Variants in MEF2C observed in about 807,000 individuals in gnomAD.
The protein encoded by MEF2C is myocyte-specific enhancer factor 2C.
MEF2C carries 6 observed loss-of-function variants against 50.5 expected under a neutral mutation model. That is an observed-to-expected ratio of 0.12 (90% CI 0.07 to 0.23). MEF2C has a LOEUF of 0.23. Among genes scored for constraint, MEF2C ranks in the 10% least tolerant of loss-of-function variants. The probability of loss-of-function intolerance (pLI) is 1.00; values close to 1 mark genes in which losing one functional copy is unlikely to be tolerated. For synonymous variants in MEF2C, 183 were observed against 228.0 expected, an observed-to-expected ratio of 0.80 and a Z score of 1.78; for missense variants, 276 against 605.0, an observed-to-expected ratio of 0.46 and a Z score of 5.70.
chr5:88,830,891 G>A (rs192506843), intron 1 of MEF2C, among the ~76,000 whole-genome samples: 2 of 152,190 alleles, frequency 1.3e-5, no homozygotes, highest in Non-Finnish European at 2.9e-5. Flanking sequence ...GTAAGCACAT[G>A]CAGCTGGATT....
chr5:88,886,186 G>T (rs1834029380), upstream of MEF2C, among the ~76,000 whole-genome samples: 1 of 152,144 alleles, frequency 6.6e-6, no homozygotes. Flanking sequence ...AGTTGAAGCA[G>T]AAGAGATATG....
intron 2 of MEF2C, among the ~76,000 whole-genome samples, chr5:88,813,476 C>A (rs1468266505): frequency 6.6e-6 from 1 of 152,102 alleles, no homozygotes; most frequent in Non-Finnish European, 1.5e-5. Context: ...GGCCCAGCCC[C>A]ATTCATAAAG....
intron 1 of MEF2C, among the ~76,000 whole-genome samples, chr5:88,898,177 A>G (rs1194829718): frequency 2.6e-5 from 4 of 152,180 alleles, no homozygotes; most frequent in Non-Finnish European, 5.9e-5. Context: ...ACCTTTCAAG[A>G]TAGTAAGATG....
intron 1 of MEF2C, chr5:88,827,165 C>T (rs1365164244): frequency 6.6e-6 from 1 of 151,930 alleles, no homozygotes; most frequent in Non-Finnish European, 1.5e-5. Flanking sequence ...AAAGATCATT[C>T]TCCCACTGGG....
At chr5:88,810,957 T>C (rs1159804477) in intron 2 of MEF2C, among the ~76,000 whole-genome samples, 1 of 152,138 alleles carries the variant, frequency 6.6e-6, no homozygotes. Context: ...TCCACATTCA[T>C]ATTTTTAAAA....
At chr5:88,858,733 A>T (rs1219148070) in intron 1 of MEF2C, among the ~76,000 whole-genome samples, 1 of 152,228 alleles carries the variant, frequency 6.6e-6, no homozygotes, top group East Asian at 1.9e-4. Context: ...AGCTAAAGAC[A>T]ACTAATAAAC....
intron 1 of MEF2C, among the ~76,000 whole-genome samples, chr5:88,896,461 G>A (rs756322434): frequency 6.6e-6 from 1 of 152,192 alleles, no homozygotes; most frequent in African/African-American, 2.4e-5. Context: ...ATGAAAGAGA[G>A]AATTTGAAAC....
chr5:88,795,678 T>C (rs1417908481), intron 3 of MEF2C, among the ~76,000 whole-genome samples: 1 of 152,190 alleles, frequency 6.6e-6, no homozygotes, highest in Non-Finnish European at 1.5e-5. Context: ...CAATACTATG[T>C]TGAATAGGAG....
At chr5:88,783,009 CTT>C (rs1480621046) in intron 3 of MEF2C, among the ~76,000 whole-genome samples, 1 of 152,116 alleles carries the variant, frequency 6.6e-6, no homozygotes, top group Non-Finnish European at 1.5e-5. Flanking sequence ...TCTTGTGACT[CTT>C]TGCATACTTG....
chr5:88,860,840 T>C (rs1825253352), intron 1 of MEF2C, among the ~76,000 whole-genome samples: 1 of 152,240 alleles, frequency 6.6e-6, no homozygotes, highest in Admixed American at 6.5e-5. Context: ...TTCTCTTTCC[T>C]TTCTTAAGGA....
At chr5:88,876,148 C>T (rs1831011369) in intron 1 of MEF2C, among the ~76,000 whole-genome samples, 1 of 147,410 alleles carries the variant, frequency 6.8e-6, no homozygotes, top group Admixed American at 6.8e-5. Flanking sequence ...CATTTACAGA[C>T]TCACCTACAT....
intron 6 of MEF2C, chr5:88,737,064 G>T: frequency 1.0e-6 from 1 of 984,988 alleles, no homozygotes; most frequent in Non-Finnish European, 1.2e-6. Flanking sequence ...TTCACAAATA[G>T]ATATATAGAA....
chr5:88,853,612 G>T (rs1161567226), intron 1 of MEF2C, among the ~76,000 whole-genome samples: 1 of 152,120 alleles, frequency 6.6e-6, no homozygotes, highest in South Asian at 2.1e-4. Flanking sequence ...TTAGTGATTT[G>T]AATATCATTT....
At chr5:88,875,434 G>C (rs2149975759) in intron 1 of MEF2C, among the ~76,000 whole-genome samples, 1 of 152,034 alleles carries the variant, frequency 6.6e-6, no homozygotes, top group South Asian at 2.1e-4. Context: ...ATCACAAAAT[G>C]ATCTAACATA....
chr5:88,891,097 A>G (rs1202635084), intron 1 of MEF2C, among the ~76,000 whole-genome samples: 2 of 152,224 alleles, frequency 1.3e-5, no homozygotes, highest in Non-Finnish European at 2.9e-5. Context: ...GGGGAATAAT[A>G]CTATCTCCCA....
intron 1 of MEF2C, among the ~76,000 whole-genome samples, chr5:88,890,833 A>G (rs560293512): frequency 3.6e-4 from 55 of 152,302 alleles, no homozygotes; most frequent in Admixed American, 8.5e-4. Context: ...TAATTTTTTT[A>G]TAGGCAAGAG....
At chr5:88,760,892 T>C in intron 4 of MEF2C, 2 of 1,373,152 alleles carry the variant, frequency 1.5e-6, no homozygotes, top group South Asian at 3.0e-5. Flanking sequence ...TCTGTTTGAC[T>C]TTCCGAAGAG....
rs202135582 is a variant in MEF2C, at chr5:88,759,253, C to T, written c.402+1932G>A. Among the ~76,000 whole-genome samples the T allele has an allele frequency of 2.6e-5, 4 of 152,100 alleles. No homozygotes were observed. In the East Asian group the frequency reaches 7.7e-4, roughly 29 times the overall value. ...ATCCCAGCACCTTGGGAGGCCCAGG[C>T]GGGTGGATCACCTAAGGTCAGGAGT... On this transcript the variant is annotated intron_variant, in intron 4 of 10. Coordinates refer to ENST00000504921, the MANE Select transcript of MEF2C (RefSeq NM_002397.5).
At chr5:88,777,219 G>A (rs1369435861) in intron 3 of MEF2C, among the ~76,000 whole-genome samples, 1 of 152,104 alleles carries the variant, frequency 6.6e-6, no homozygotes, top group East Asian at 1.9e-4. Flanking sequence ...GGCATGAAGA[G>A]GAAATTAAAC....
Sources: allele counts gnomAD v4.1 joint callset (sites outside exome capture counted in the v4.1 genomes callset), GRCh38; gene constraint gnomAD v4.1.1; transcripts MANE v1.5; gene names NCBI Gene and HGNC (gene_info 2026-07-23, HGNC 2026-07-21).